The following KEL variants were observed in gnomAD, a reference collection of about 807,000 sequenced individuals.
The protein encoded by KEL is kell blood group glycoprotein.
Under a neutral mutation model 99.5 loss-of-function variants are expected in KEL, and 96 were observed. That is an observed-to-expected ratio of 0.97 (90% CI 0.82 to 1.14). The LOEUF is 1.14. KEL is among the 50% of genes most tolerant of loss of function. The pLI is 0.00. For synonymous variants in KEL, 355 were observed against 354.8 expected (o/e 1.00, Z -0.01); for missense variants, 926 against 924.2 (o/e 1.00, Z -0.03).
intron 4 of KEL, 92 bp from the exon 5 acceptor site, chr7:142,958,520 A>C (rs573220097): frequency 1.7e-6 from 2 of 1,202,452 alleles, no homozygotes; most frequent in East Asian, 2.4e-5. Context: ...GTCATGCCCT[A>C]TATCATAAGT....
At position 142,950,321 on chromosome 7, in the gene KEL, C is replaced by G. The variant is rs376689927; in HGVS notation, c.1203+2188G>C. ...CCTCCCCACTATTGTCCTAGTCACTCTGATCCAGGTGCCCTGGCTCCCTTG... is the reference window on the plus strand; with the variant it reads ...CCTCCCCACTATTGTCCTAGTCACTGTGATCCAGGTGCCCTGGCTCCCTTG... On this transcript the variant is annotated intron_variant, in intron 10 of 18. Coordinates refer to ENST00000355265, the MANE Select transcript of KEL (RefSeq NM_000420.3). Among the ~76,000 whole-genome samples the G allele has an allele frequency of 1.1e-3, 171 of 152,332 alleles. 5 individuals carry two copies. The highest frequency in any genetic ancestry group is 4.3e-3 in the South Asian group (21 of 4,828).
intron 18 of KEL, 146 bp from the exon 19 acceptor site, chr7:142,941,559 G>A: frequency 2.8e-6 from 2 of 703,618 alleles, no homozygotes; most frequent in Non-Finnish European, 4.7e-6. Context: ...GAAATGTATA[G>A]TTCATTTAAT....
At position 142,958,350 on chromosome 7, in the gene KEL, G is replaced by GC; in HGVS notation, c.478dup (p.Ala160GlyfsTer3). ...GGGACCAGTCCCTGCAGCTTCAATG[G>GC]CAAGTGTATCCATGCAGGAGTTGTA... On this transcript the variant is annotated frameshift_variant, in exon 5 of 19. Coordinates refer to ENST00000355265, the MANE Select transcript of KEL (RefSeq NM_000420.3). LOFTEE classifies it high-confidence loss of function. The GC allele has an allele frequency of 6.2e-7, 1 of 1,614,024 alleles. No individual in the cohort carries two copies. Among genetic ancestry groups the GC allele is most frequent in the Non-Finnish European group, 8.5e-7 (1 of 1,179,932 alleles).
intron 6 of KEL, 77 bp from the exon 7 acceptor site, chr7:142,954,604 A>G (rs964965615): frequency 3.5e-5 from 44 of 1,248,342 alleles, no homozygotes; most frequent in Non-Finnish European, 4.6e-5. Context: ...TGGGGAATAT[A>G]CCATGGGAGA....
At chr7:142,942,204 T>C (rs973384214) in intron 18 of KEL, 2 of 581,844 alleles carry the variant, frequency 3.4e-6, no homozygotes, top group Non-Finnish European at 3.1e-6. Context: ...ATAGAGTTTT[T>C]TCTACCTTTT....
chr7:142,958,100 C>G, intron 5 of KEL, 127 bp from the exon 6 acceptor site: 1 of 1,328,182 alleles, frequency 7.5e-7, no homozygotes, highest in Non-Finnish European at 1.1e-6. Flanking sequence ...CTCTAGGAAG[C>G]CACATCTATC....
intron 17 of KEL, 108 bp downstream of exon 17, chr7:142,942,767 A>G: frequency 7.2e-7 from 1 of 1,390,068 alleles, no homozygotes; most frequent in Non-Finnish European, 1.0e-6. Flanking sequence ...TGCGAAGGGC[A>G]GAAAGCCATG....
At chr7:142,943,089 G>A (rs752126191) in intron 16 of KEL, 45 bp from the exon 17 acceptor site, 41 of 1,607,806 alleles carry the variant, frequency 2.6e-5, no homozygotes, top group Non-Finnish European at 3.4e-6. Flanking sequence ...AGAACATAGG[G>A]TTGGTGCTGC....
chr7:142,962,110 C>G (rs1796975059), intron 1 of KEL, 94 bp downstream of exon 1: 1 of 1,614,004 alleles, frequency 6.2e-7, no homozygotes, highest in Non-Finnish European at 8.5e-7. Context: ...CTCTGTAAGC[C>G]TTACATTCCC....
chr7:142,951,135 A>C, intron 10 of KEL, among the ~76,000 whole-genome samples: 1 of 152,218 alleles, frequency 6.6e-6, no homozygotes. Flanking sequence ...GTTGGCAGAG[A>C]TTAGTTCAGC....
At chr7:142,956,533 T>A (rs753511830) in intron 6 of KEL, among the ~76,000 whole-genome samples, 1 of 151,820 alleles carries the variant, frequency 6.6e-6, no homozygotes, top group Non-Finnish European at 1.5e-5. Flanking sequence ...CACTTTTACC[T>A]CCCACTGCAC....
chr7:142,943,798 G>C lies in KEL; in HGVS notation c.1577C>G (p.Pro526Arg). ...GCTGTCATACCTGTGTTGGGGGTGA[G>C]GCTGCAAGAAGCTCTGGACAATTCT... ...RARIVQSFLQPHPQHRWKVSP... is the reference protein window; with the variant it reads ...RARIVQSFLQRHPQHRWKVSP... The change falls in exon 14 of 19, where the codon CCT becomes CGT. Residue 526 changes from proline to arginine, a missense_variant. Physicochemically the swap from Pro to Arg is moderately radical, Grantham distance 103. Coordinates refer to ENST00000355265, the MANE Select transcript of KEL (RefSeq NM_000420.3). 6.2e-7 allele frequency: 1 copy of C among 1,614,048 alleles called. No individual in the cohort carries two copies. The highest frequency in any genetic ancestry group is 8.5e-7 in the Non-Finnish European group (1 of 1,179,920).
intron 6 of KEL, among the ~76,000 whole-genome samples, chr7:142,957,485 C>G (rs977397260): frequency 6.6e-6 from 1 of 152,238 alleles, no homozygotes; most frequent in Non-Finnish European, 1.5e-5. Flanking sequence ...TTAGTTAGCC[C>G]TTGGTTTAGA....
chr7:142,943,104 G>A (rs1211880876), intron 16 of KEL, 60 bp from the exon 17 acceptor site: 2 of 1,596,176 alleles, frequency 1.3e-6, no homozygotes, highest in African/African-American at 1.3e-5. Flanking sequence ...TGCTGCCTAG[G>A]TGAGGATGTG....
In KEL at chr7:142,954,310, G is replaced by C; in HGVS notation, c.798C>G (p.Ser266Arg). The C allele has an allele frequency of 6.2e-7, 1 of 1,614,066 alleles. No homozygotes were observed. The highest frequency in any genetic ancestry group is 8.5e-7 in the Non-Finnish European group (1 of 1,179,976). The change falls in exon 8 of 19, where the codon AGC becomes AGG. Residue 266 changes from serine (S) to arginine (R), a missense_variant. Transcript: ENST00000355265. ...QLGTLLGGDP[S>R]KVQEHSSLSI... ...ACAAGGAAGAGTGTTCTTGCACCTT[G>C]CTTGGGTCTCCTCCCAGCAAGGTTC...
Position 142,961,444 on chromosome 7 carries a change from G to C in KEL, c.139C>G (p.Arg47Gly), listed in dbSNP as rs150577967. 2.9e-5 allele frequency: 46 copies of C among 1,612,708 alleles called. No homozygotes were observed. Among genetic ancestry groups the C allele is most frequent in the Non-Finnish European group, 3.7e-5 (44 of 1,179,534 alleles). ...AAAATCAGGATAGCTGTCAGCACCC[G>C]CCTGGCCACTGCCCATGGCCTGCTC... ...EGSRPWAVAR[R>G]VLTAILILGL... The change falls in exon 3 of 19, where the codon CGG becomes GGG. Residue 47 changes from arginine (R) to glycine (G), a missense_variant. Physicochemically the swap from Arg to Gly is moderately radical, Grantham distance 125. Transcript: ENST00000355265.
In KEL at chr7:142,954,357, G is replaced by A; in HGVS notation, c.751C>T (p.Leu251=). ...GTTCCCAGCTGATTCAGGTAAGTCA[G>A]GTATTCCCGAAAGATCTGGAGGAAG... The part of the protein sequence containing the change: ...KIYAQIFREY[L]TYLNQLGTLL... Residue 251 remains leucine, a synonymous_variant, in exon 8 of 19, where the codon CTG becomes TTG. Coordinates refer to ENST00000355265, the MANE Select transcript of KEL (RefSeq NM_000420.3). The A allele has an allele frequency of 6.2e-7, 1 of 1,614,152 alleles. No individual in the cohort carries two copies. Among genetic ancestry groups the A allele is most frequent in the Non-Finnish European group, 8.5e-7 (1 of 1,180,024 alleles).
chr7:142,953,724 C>T, intron 9 of KEL, 84 bp downstream of exon 9: 1 of 1,545,900 alleles, frequency 6.5e-7, no homozygotes, highest in Middle Eastern at 1.7e-4. Flanking sequence ...CCTGCCTTCC[C>T]CAAGGTTTCC....
Position 142,941,353 on chromosome 7 carries a change from G to A in KEL, c.2098C>T (p.Arg700Ter), listed in dbSNP as rs565926203. 22 of 1,613,188 alleles carry A rather than the reference G, an allele frequency of 1.4e-5. No homozygotes were observed. The highest frequency in any genetic ancestry group is 2.2e-5 in the East Asian group (1 of 44,820). The change falls in exon 19 of 19, where the codon CGA (arginine) becomes TGA (stop). Residue 700 changes from arginine to a stop codon, truncating the protein, a stop_gained. Transcript: ENST00000355265. LOFTEE classifies it high-confidence loss of function. Reference protein sequence around the residue: ...SHDTHSPPHLRVHGPLSSTPA... With the variant: ...SHDTHSPPHL ...GTGCTGCTGAGGGGCCCGTGGACTC[G>A]GAGGTGTGGAGGGCTGTGAGTGTCG...
Sources: allele counts gnomAD v4.1 joint callset (sites outside exome capture counted in the v4.1 genomes callset), GRCh38; gene constraint gnomAD v4.1.1; transcripts MANE v1.5; gene names NCBI Gene and HGNC (gene_info 2026-07-23, HGNC 2026-07-21).